POMZP3: variants seen among roughly 807,000 people sequenced by gnomAD.
POMZP3 encodes POM121 and ZP3 fusion protein.
A neutral mutation model predicts 19.8 loss-of-function variants in POMZP3; 10 were observed. The ratio of observed to expected loss-of-function variants is 0.51; its 90% CI spans 0.31 to 0.86. The LOEUF (loss-of-function observed/expected upper bound fraction) is 0.86. POMZP3 is among the 40% of genes least tolerant of loss of function. The pLI is 0.04. For synonymous variants in POMZP3, 57 were observed against 85.8 expected, an observed-to-expected ratio of 0.66 and a Z score of 1.85; for missense variants, 152 against 228.1, an observed-to-expected ratio of 0.67 and a Z score of 2.15.
At chr7:76,623,381 T>C (rs1015226591) in intron 3 of POMZP3, among the ~76,000 whole-genome samples, 1 of 151,070 alleles carries the variant, frequency 6.6e-6, no homozygotes, top group African/African-American at 2.4e-5. Context: ...GATGAATGCT[T>C]AATTATAACT....
At chr7:76,623,559 G>A (rs1040444313) in intron 3 of POMZP3, among the ~76,000 whole-genome samples, 45 of 148,242 alleles carry the variant, frequency 3.0e-4, no homozygotes, top group African/African-American at 1.1e-3. Flanking sequence ...AACACTTTGG[G>A]AGGCTGAGGT....
intron 3 of POMZP3, among the ~76,000 whole-genome samples, chr7:76,620,286 C>T (rs1815479301): frequency 2.5e-5 from 2 of 80,986 alleles, no homozygotes; most frequent in South Asian, 4.8e-4. Flanking sequence ...CGAGATTGCA[C>T]CACTGCACTC....
chr7:76,611,240 G>A (rs1815081000), intron 6 of POMZP3, among the ~76,000 whole-genome samples: 1 of 151,810 alleles, frequency 6.6e-6, no homozygotes, highest in Admixed American at 6.6e-5. Context: ...AGCCTAGGAT[G>A]ACAGCAGATC....
At chr7:76,618,771 G>A (rs953334738) in intron 3 of POMZP3, among the ~76,000 whole-genome samples, 12 of 151,958 alleles carry the variant, frequency 7.9e-5, no homozygotes, top group African/African-American at 2.9e-4. Context: ...AGAAGGTAGG[G>A]GGATAAGCTG....
chr7:76,611,581 C>T lies in POMZP3; in HGVS notation c.448G>A (p.Val150Met), dbSNP rs1180974042. The T allele has an allele frequency of 2.3e-5, 37 of 1,599,596 alleles. 1 individual carries two copies. Among genetic ancestry groups the T allele is most frequent in the Non-Finnish European group, 3.1e-5 (36 of 1,169,664 alleles). The stretch of plus-strand genomic sequence containing the variant: ...TGACAGATGTCAGCCAGGCCTTCCA[C>T]TGGGAACCAGCTGAGATGAAAGAGA... ...FSKPSNSWFPVEGLADICQCC... is the reference protein window; with the variant it reads ...FSKPSNSWFPMEGLADICQCC... The change falls in exon 6 of 7, where the codon GTG (valine) becomes ATG (methionine). Residue 150 changes from valine (V) to methionine (M), a missense_variant. By Grantham distance (21) the Val-to-Met change is conservative. Transcript: ENST00000310842.
chr7:76,625,714 G>A, intron 2 of POMZP3, 31 bp from the exon 3 acceptor site: 3 of 1,605,768 alleles, frequency 1.9e-6, no homozygotes, highest in Non-Finnish European at 2.5e-6. Context: ...CTAGCAGTAA[G>A]ATATTTTAAT....
At chr7:76,623,846 G>C in intron 3 of POMZP3, among the ~76,000 whole-genome samples, 1 of 151,834 alleles carries the variant, frequency 6.6e-6, no homozygotes, top group Non-Finnish European at 1.5e-5. Flanking sequence ...AGCAAAGCAC[G>C]CTTGGTGACC....
chr7:76,611,767 G>A lies in POMZP3; in HGVS notation c.392C>T (p.Pro131Leu). ...HLKVTLAEQD[P>L]DELNKACSFS... ...GGAACAGGCCTTGTTGAGTTCATCT[G>A]GGTCCTGCTCAGCTAGGGTGACCTT... The change falls in exon 5 of 7, where the codon CCA becomes CTA. Residue 131 changes from proline to leucine, a missense_variant. Physicochemically the swap from Pro to Leu is moderately conservative, Grantham distance 98. Coordinates refer to ENST00000310842, the MANE Select transcript of POMZP3 (RefSeq NM_012230.5). 6.4e-7 allele frequency: 1 copy of A among 1,573,886 alleles called. No individual in the cohort carries two copies. The highest frequency in any genetic ancestry group is 8.7e-7 in the Non-Finnish European group (1 of 1,152,618).
At chr7:76,613,456 C>CG (rs1815185611) in intron 4 of POMZP3, among the ~76,000 whole-genome samples, 1 of 128,534 alleles carries the variant, frequency 7.8e-6, no homozygotes, top group South Asian at 3.0e-4. Context: ...GCTGAAGGAC[C>CG]CCCCCCACCC....
chr7:76,623,991 G>A (rs1387281934), intron 3 of POMZP3, among the ~76,000 whole-genome samples: 1 of 144,332 alleles, frequency 6.9e-6, no homozygotes, highest in African/African-American at 2.6e-5. Context: ...CCAGTAAGTA[G>A]GAGAGACGTG....
rs62475925 is a variant in POMZP3, at chr7:76,616,676, G to A, written c.345+1507C>T. Among the ~76,000 whole-genome samples, 13 of 94,022 alleles carry A rather than the reference G, an allele frequency of 1.4e-4. 5 individuals carry two copies. Among genetic ancestry groups the A allele is most frequent in the East Asian group, 2.7e-4 (1 of 3,702 alleles). 61.7% of individuals were successfully genotyped at this position (94,022 alleles called of 152,430 possible). A position where few individuals can be genotyped will look rare whatever the true frequency, so the allele number is the denominator to read the frequency against. ...TCCAGACCAGCCTGGCCAACATGGTGAAACCCAATCTCTAGTAAGAATACA... is the reference window on the plus strand; with the variant it reads ...TCCAGACCAGCCTGGCCAACATGGTAAAACCCAATCTCTAGTAAGAATACA... On this transcript the variant is annotated intron_variant, in intron 4 of 6. Transcript: ENST00000310842.
chr7:76,619,105 G>T (rs1487221972), intron 3 of POMZP3, among the ~76,000 whole-genome samples: 2 of 152,112 alleles, frequency 1.3e-5, no homozygotes, highest in Non-Finnish European at 2.9e-5. Flanking sequence ...TAAAGATTTA[G>T]AGAGGGCTGT....
chr7:76,612,028 A>G lies in POMZP3; in HGVS notation c.346-215T>C, dbSNP rs537341570. The stretch of plus-strand genomic sequence containing the variant: ...AACCTGGCCAACATGGTGAAACCCC[A>G]TCGCTACTAAAAATACAAAGTTAGC... On this transcript the variant is annotated intron_variant, in intron 4 of 6. Transcript: ENST00000310842. Among the ~76,000 whole-genome samples, 6 of 149,612 alleles carry G rather than the reference A, an allele frequency of 4.0e-5. No individual in the cohort carries two copies. The South Asian group carries it at 1.1e-3, about 26-fold the overall frequency.
At chr7:76,625,132 C>CAAAAA (rs59816962) in intron 3 of POMZP3, among the ~76,000 whole-genome samples, 4 of 54,388 alleles carry the variant, frequency 7.4e-5, no homozygotes, top group Non-Finnish European at 1.1e-4. Flanking sequence ...GACTCCAACT[C>CAAAAA]AAAAAAAAAA....
intron 3 of POMZP3, chr7:76,621,456 T>C (rs1312878569): frequency 6.7e-5 from 10 of 150,048 alleles, no homozygotes; most frequent in Admixed American, 6.7e-5. Flanking sequence ...AAAGAAGTTA[T>C]TATTTTTTTT....
intron 1 of POMZP3, 85 bp downstream of exon 1, chr7:76,626,623 G>A (rs1815915457): frequency 7.9e-7 from 1 of 1,268,316 alleles, no homozygotes; most frequent in Non-Finnish European, 1.0e-6. Context: ...CTTCGGATTT[G>A]ATGAAAAAGC....
At chr7:76,614,904 G>A in intron 4 of POMZP3, among the ~76,000 whole-genome samples, 1 of 101,466 alleles carries the variant, frequency 9.9e-6, no homozygotes, top group Non-Finnish European at 2.1e-5. Flanking sequence ...TCTGTTGAGG[G>A]CAATAGCACC....
At position 76,614,392 on chromosome 7, in the gene POMZP3, A is replaced by G. The variant is rs1392892542; in HGVS notation, c.346-2579T>C. The stretch of plus-strand genomic sequence containing the variant: ...GTGAAACCCCATCTCTACTAAAAAA[A>G]AAAAAAAAATACAGAAATTAGCTGG... On this transcript the variant is annotated intron_variant, in intron 4 of 6. Coordinates refer to ENST00000310842, the MANE Select transcript of POMZP3 (RefSeq NM_012230.5). Among the ~76,000 whole-genome samples, 2 of 81,942 alleles carry G rather than the reference A, an allele frequency of 2.4e-5. 1 individual carries two copies. Among genetic ancestry groups the G allele is most frequent in the East Asian group, 6.1e-4 (2 of 3,296 alleles). 53.8% of individuals were successfully genotyped at this position (81,942 alleles called of 152,430 possible). A position where few individuals can be genotyped will look rare whatever the true frequency, so the allele number is the denominator to read the frequency against.
rs1056119 is a variant in POMZP3, at chr7:76,626,174, C to T, written c.-110G>A. 0.36 allele frequency: 562,572 copies of T among 1,584,220 alleles called. 102,505 individuals are homozygous for T. The highest frequency in any genetic ancestry group is 0.49 in the Middle Eastern group (2,972 of 6,016). On this transcript the variant is annotated 5_prime_UTR_variant, in exon 2 of 7. Transcript: ENST00000310842. ...GGCCTGATGGATCGGATAGCGTCTTCGAGGTGTTATTACAAACCGATCTGG... is the reference window on the plus strand; with the variant it reads ...GGCCTGATGGATCGGATAGCGTCTTTGAGGTGTTATTACAAACCGATCTGG...
Sources: gnomAD v4.1 joint callset for allele counts (sites outside exome capture counted in the v4.1 genomes callset) on GRCh38, gnomAD v4.1.1 for gene constraint, MANE v1.5 for transcripts, NCBI Gene and HGNC (gene_info 2026-07-23, HGNC 2026-07-21) for gene names.